Variants in SYCP2L observed in about 807,000 individuals in gnomAD.
SYCP2L encodes synaptonemal complex protein 2 like.
Under a neutral mutation model 125.8 loss-of-function variants are expected in SYCP2L, and 98 were observed. That is an observed-to-expected ratio of 0.78 (90% CI 0.66 to 0.92). The LOEUF is 0.92. SYCP2L is among the 40% of genes least tolerant of loss of function. The probability of loss-of-function intolerance (pLI) is 0.00; values close to 1 mark genes in which losing one functional copy is unlikely to be tolerated. For synonymous variants in SYCP2L, 317 were observed against 325.4 expected, an observed-to-expected ratio of 0.97 and a Z score of 0.28; for missense variants, 842 against 936.4, an observed-to-expected ratio of 0.90 and a Z score of 1.32.
chr6:10,896,789 A>C (rs749872521), intron 4 of SYCP2L, among the ~76,000 whole-genome samples: 3 of 152,146 alleles, frequency 2.0e-5, no homozygotes, highest in Non-Finnish European at 4.4e-5. Flanking sequence ...ATCACCAGTG[A>C]TTCTGATTAC....
At chr6:10,947,490 G>C (rs1160866541) in intron 23 of SYCP2L, among the ~76,000 whole-genome samples, 2 of 151,812 alleles carry the variant, frequency 1.3e-5, no homozygotes, top group Non-Finnish European at 2.9e-5. Context: ...CTCTGTGAAG[G>C]GCTTATGTAT....
intron 10 of SYCP2L, among the ~76,000 whole-genome samples, chr6:10,907,892 G>GTTTTTTGTTT (rs1780526714): frequency 1.1e-5 from 1 of 91,922 alleles, no homozygotes; most frequent in Admixed American, 1.5e-4. Context: ...ATACAGATAG[G>GTTTTTTGTTT]TTTTTTTTTT....
chr6:10,928,476 T>G (rs1780937266), intron 18 of SYCP2L, 26 bp downstream of exon 18: 1 of 1,563,636 alleles, frequency 6.4e-7, no homozygotes, highest in African/African-American at 1.4e-5. Context: ...GGGGCTCAAG[T>G]TTCTTATCTG....
chr6:10,963,767 A>T lies in SYCP2L; in HGVS notation c.2415-15A>T. The T allele has an allele frequency of 1.2e-6, 2 of 1,613,458 alleles. No homozygotes were observed. The highest frequency in any genetic ancestry group is 1.7e-6 in the Non-Finnish European group (2 of 1,179,544). On this transcript the variant is annotated splice_polypyrimidine_tract_variant and intron_variant, in intron 28 of 29. Coordinates refer to ENST00000283141, the MANE Select transcript of SYCP2L (RefSeq NM_001040274.3). ...CTAATGTGAATATAATAAGAGATGG[A>T]CCAATTTCTTCCAGGTTCAATTCAA... is the stretch of plus-strand genomic sequence containing the variant.
intron 18 of SYCP2L, 119 bp from the exon 19 acceptor site, chr6:10,930,251 A>T (rs759704022): frequency 4.0e-5 from 40 of 1,008,586 alleles, no homozygotes; most frequent in Non-Finnish European, 5.7e-5. Flanking sequence ...ATTATATAAG[A>T]GAGCCCAGTC....
chr6:10,973,419 G>A (rs1340718985), intron 29 of SYCP2L, among the ~76,000 whole-genome samples: 1 of 152,180 alleles, frequency 6.6e-6, no homozygotes, highest in Non-Finnish European at 1.5e-5. Context: ...TGTAATTCCA[G>A]CTACTCAGGA....
intron 11 of SYCP2L, 28 bp from the exon 12 acceptor site, chr6:10,910,796 A>C (rs759332353): frequency 1.2e-6 from 2 of 1,612,522 alleles, no homozygotes; most frequent in Non-Finnish European, 1.7e-6. Context: ...TTCATGTTTT[A>C]TTTTTTTAAT....
intron 23 of SYCP2L, among the ~76,000 whole-genome samples, chr6:10,944,633 C>T (rs2113384113): frequency 6.6e-6 from 1 of 152,122 alleles, no homozygotes; most frequent in East Asian, 1.9e-4. Context: ...CTATCCATTT[C>T]TCTCTAAGTA....
chr6:10,906,957 T>C (rs1780507924), intron 9 of SYCP2L, among the ~76,000 whole-genome samples: 1 of 152,150 alleles, frequency 6.6e-6, no homozygotes, highest in Non-Finnish European at 1.5e-5. Flanking sequence ...TTTAATATAT[T>C]TAAAATATAA....
intron 14 of SYCP2L, among the ~76,000 whole-genome samples, chr6:10,920,775 C>T (rs1298250841): frequency 1.4e-5 from 2 of 146,076 alleles, no homozygotes; most frequent in East Asian, 4.0e-4. Flanking sequence ...TACATACTCT[C>T]TGCAGGACAG....
intron 2 of SYCP2L, among the ~76,000 whole-genome samples, chr6:10,893,171 T>C (rs564457292): frequency 7.9e-5 from 12 of 152,136 alleles, no homozygotes; most frequent in African/African-American, 2.6e-4. Flanking sequence ...GCTAATTTTG[T>C]ATTGTTGGTA....
chr6:10,916,011 C>T lies in SYCP2L; in HGVS notation c.1072+3084C>T, dbSNP rs1351983892. Among the ~76,000 whole-genome samples the T allele has an allele frequency of 3.9e-5, 6 of 152,162 alleles. No individual in the cohort carries two copies. The East Asian group carries it at 1.2e-3, about 29-fold the overall frequency. On this transcript the variant is annotated intron_variant, in intron 14 of 29. Coordinates refer to ENST00000283141, the MANE Select transcript of SYCP2L (RefSeq NM_001040274.3). The stretch of plus-strand genomic sequence containing the variant: ...TTCAATCTCACTGCTTGTTATTGGT[C>T]TATTCAGGGTATCTGATTCTTCCTG...
intron 10 of SYCP2L, among the ~76,000 whole-genome samples, chr6:10,908,274 A>C (rs1780541427): frequency 6.6e-6 from 1 of 152,160 alleles, no homozygotes; most frequent in Non-Finnish European, 1.5e-5. Flanking sequence ...ATTTTCAATG[A>C]ACCTTGAATG....
chr6:10,925,070 A>G (rs1055009181), intron 15 of SYCP2L, among the ~76,000 whole-genome samples: 1 of 152,218 alleles, frequency 6.6e-6, no homozygotes, highest in Admixed American at 6.5e-5. Context: ...AAAGAGGTTT[A>G]ATGGACTCAC....
chr6:10,929,752 T>C (rs1012625102), intron 18 of SYCP2L, among the ~76,000 whole-genome samples: 1 of 151,626 alleles, frequency 6.6e-6, no homozygotes, highest in Non-Finnish European at 1.5e-5. Context: ...CTGGCCAACA[T>C]AGTGAAACTC....
At chr6:10,931,551 A>G in intron 20 of SYCP2L, 62 bp downstream of exon 20, 4 of 1,475,216 alleles carry the variant, frequency 2.7e-6, no homozygotes, top group East Asian at 2.3e-5. Context: ...TATTTCTCCA[A>G]AAACAACTTT....
intron 24 of SYCP2L, 104 bp downstream of exon 24, chr6:10,955,321 T>C (rs1781484557): frequency 3.0e-6 from 2 of 665,138 alleles, no homozygotes; most frequent in Admixed American, 5.2e-5. Context: ...TTTAAGATCA[T>C]AGTAGCTACA....
At chr6:10,917,788 C>T (rs1408006962) in intron 14 of SYCP2L, among the ~76,000 whole-genome samples, 1 of 152,064 alleles carries the variant, frequency 6.6e-6, no homozygotes, top group African/African-American at 2.4e-5. Context: ...TGATGTGTTT[C>T]CAGGATTCAA....
intron 21 of SYCP2L, among the ~76,000 whole-genome samples, chr6:10,939,530 A>G (rs926385269): frequency 6.6e-6 from 1 of 152,240 alleles, no homozygotes; most frequent in African/African-American, 2.4e-5. Context: ...AGACAGGCAC[A>G]TAGGCCAAGA....
Sources: gnomAD v4.1 joint callset for allele counts (sites outside exome capture counted in the v4.1 genomes callset) on GRCh38, gnomAD v4.1.1 for gene constraint, MANE v1.5 for transcripts, NCBI Gene and HGNC (gene_info 2026-07-23, HGNC 2026-07-21) for gene names.